GRK4: variants seen among roughly 807,000 people sequenced by gnomAD.
GRK4 encodes G protein-coupled receptor kinase 2-like.
In GRK4, 73 loss-of-function variants were observed where a neutral mutation model predicts 77.9. The ratio of observed to expected loss-of-function variants is 0.94; its 90% CI spans 0.78 to 1.14. GRK4 has a LOEUF of 1.14. GRK4 is among the 50% of genes most tolerant of loss of function. The pLI is 0.00. For missense variants in GRK4, 729 were observed against 700.2 expected (o/e 1.04, Z -0.46); for synonymous variants, 257 against 254.4 (o/e 1.01, Z -0.10).
chr4:2,965,309 C>T (rs1357172007), intron 1 of GRK4: 4 of 702,954 alleles, frequency 5.7e-6, no homozygotes, highest in Non-Finnish European at 1.0e-5. Flanking sequence ...CCACAATCCT[C>T]TGTGCAATCC....
intron 12 of GRK4, among the ~76,000 whole-genome samples, chr4:3,032,804 G>T (rs762928524): frequency 9.2e-5 from 14 of 152,234 alleles, no homozygotes; most frequent in Non-Finnish European, 2.1e-4. Context: ...ATTACTAAGA[G>T]GAGAAACAGT....
intron 12 of GRK4, among the ~76,000 whole-genome samples, chr4:3,034,441 T>C (rs1460127244): frequency 6.6e-6 from 1 of 152,222 alleles, no homozygotes; most frequent in Non-Finnish European, 1.5e-5. Flanking sequence ...CGATAAAGCC[T>C]TGTTTCCAAA....
chr4:3,034,754 G>C (rs1740113247), intron 12 of GRK4, among the ~76,000 whole-genome samples: 2 of 152,236 alleles, frequency 1.3e-5, no homozygotes, highest in Admixed American at 6.5e-5. Flanking sequence ...GTCCTTAGTG[G>C]TATTTCTGAA....
chr4:2,980,612 A>G lies in GRK4; in HGVS notation c.53-3901A>G, dbSNP rs1276844057. ...CTTGGGCCCATCTGTGAGGAGCAGA[A>G]CAGCTCACCTCTTGCCTGACAGGCT... On this transcript the variant is annotated intron_variant, in intron 1 of 15. Coordinates refer to ENST00000398052, the MANE Select transcript of GRK4 (RefSeq NM_182982.3). 4.6e-5 allele frequency among the ~76,000 whole-genome samples: 7 copies of G among 152,080 alleles called. No homozygotes were observed. The East Asian group carries it at 1.4e-3, about 29-fold the overall frequency.
chr4:3,038,561 A>C, intron 15 of GRK4, 48 bp downstream of exon 15: 1 of 1,563,642 alleles, frequency 6.4e-7, no homozygotes, highest in Non-Finnish European at 8.6e-7. Flanking sequence ...TGAAAAAAAA[A>C]AAAACATACT....
At chr4:3,029,537 C>T in intron 12 of GRK4, 128 bp downstream of exon 12, 4 of 696,340 alleles carry the variant, frequency 5.7e-6, no homozygotes, top group Non-Finnish European at 7.3e-6. Flanking sequence ...CCTCCCAGGC[C>T]CTGCCCCTGC....
intron 4 of GRK4, 80 bp from the exon 5 acceptor site, chr4:3,004,151 T>G: frequency 2.9e-6 from 3 of 1,033,190 alleles, no homozygotes; most frequent in South Asian, 1.4e-5. Context: ...TTTCATTTTT[T>G]TACAATAAGC....
chr4:2,998,610 G>A (rs1728660720), intron 4 of GRK4, among the ~76,000 whole-genome samples: 1 of 151,904 alleles, frequency 6.6e-6, no homozygotes, highest in Admixed American at 6.6e-5. Context: ...AATTCCCTTT[G>A]TATAGTATCA....
At chr4:3,001,257 ATATATATGTG>A (rs1305925364) in intron 4 of GRK4, among the ~76,000 whole-genome samples, 1,856 of 111,330 alleles carry the variant, frequency 0.017, 8 homozygotes, top group African/African-American at 0.021. Context: ...ACATATATGT[ATATATATGTG>A]TGTATGTATG....
chr4:3,037,875 A>C (rs1027122856), intron 14 of GRK4, among the ~76,000 whole-genome samples: 31 of 151,372 alleles, frequency 2.0e-4, no homozygotes, highest in African/African-American at 7.3e-4. Context: ...AGATTGCGCC[A>C]CTGTACTCCA....
intron 9 of GRK4, among the ~76,000 whole-genome samples, chr4:3,021,642 G>A (rs1736126468): frequency 6.6e-6 from 1 of 152,196 alleles, no homozygotes; most frequent in African/African-American, 2.4e-5. Flanking sequence ...CGCCTGAGTT[G>A]AGGAAGCCTT....
intron 2 of GRK4, among the ~76,000 whole-genome samples, chr4:2,986,660 G>A (rs934962424): frequency 1.3e-5 from 2 of 151,864 alleles, no homozygotes; most frequent in African/African-American, 4.8e-5. Flanking sequence ...GGCCCTCAGT[G>A]TCTTTTTTTC....
chr4:2,980,108 GA>G (rs1722445913), intron 1 of GRK4, among the ~76,000 whole-genome samples: 1 of 152,178 alleles, frequency 6.6e-6, no homozygotes, highest in Non-Finnish European at 1.5e-5. Context: ...ATCCTGTTAG[GA>G]CCAGCTGCCT....
intron 2 of GRK4, among the ~76,000 whole-genome samples, chr4:2,987,615 G>A (rs562484872): frequency 7.6e-4 from 116 of 152,264 alleles, no homozygotes; most frequent in Non-Finnish European, 1.3e-3. Flanking sequence ...GTTTGAGTCC[G>A]TGCTTTCACT....
chr4:3,013,859 A>G (rs2109919695), intron 8 of GRK4, 31 bp downstream of exon 8: 1 of 1,579,992 alleles, frequency 6.3e-7, no homozygotes, highest in Non-Finnish European at 8.6e-7. Flanking sequence ...TTCACTGTGC[A>G]TTGTTTGATT....
At chr4:3,001,369 A>ATT (rs55673089) in intron 4 of GRK4, among the ~76,000 whole-genome samples, 8 of 76,944 alleles carry the variant, frequency 1.0e-4, no homozygotes, top group South Asian at 3.2e-4. Flanking sequence ...ATATATATAT[A>ATT]TTTTTTTTTT....
chr4:3,033,892 C>T (rs925829727), intron 12 of GRK4, among the ~76,000 whole-genome samples: 2 of 152,184 alleles, frequency 1.3e-5, no homozygotes, highest in Admixed American at 6.5e-5. Context: ...GTCTTCACAT[C>T]CGTTTTAAAT....
intron 4 of GRK4, among the ~76,000 whole-genome samples, chr4:2,999,220 A>T (rs532668947): frequency 1.3e-5 from 2 of 152,326 alleles, no homozygotes; most frequent in Non-Finnish European, 2.9e-5. Flanking sequence ...TCATCCATGC[A>T]GAAGAATACG....
intron 1 of GRK4, among the ~76,000 whole-genome samples, chr4:2,971,571 G>A (rs1026403854): frequency 3.9e-5 from 6 of 152,186 alleles, no homozygotes; most frequent in African/African-American, 1.4e-4. Flanking sequence ...AAGAAACTTG[G>A]CAGGAATAGC....
Sources: gnomAD v4.1 joint callset for allele counts (sites outside exome capture counted in the v4.1 genomes callset) on GRCh38, gnomAD v4.1.1 for gene constraint, MANE v1.5 for transcripts, NCBI Gene and HGNC (gene_info 2026-07-23, HGNC 2026-07-21) for gene names.